The following NEURL1B variants were observed in gnomAD, a reference collection of about 807,000 sequenced individuals.
NEURL1B encodes neuralized E3 ubiquitin protein ligase 1B, also known as E3 ubiquitin-protein ligase NEURL1B.
NEURL1B carries 13 observed loss-of-function variants against 37.4 expected under a neutral mutation model. That is an observed-to-expected ratio of 0.35 (90% CI 0.23 to 0.55). The LOEUF is 0.55. Ranked by LOEUF, NEURL1B falls within the 20% of genes least tolerant of loss-of-function variation. NEURL1B has a pLI of 0.89. For missense variants in NEURL1B, 790 were observed against 879.2 expected (o/e 0.90, Z 1.28); for synonymous variants, 432 against 426.6 (o/e 1.01, Z -0.16).
In NEURL1B at chr5:172,683,969, C is replaced by T. The variant is rs1166310374; in HGVS notation, c.1128C>T (p.Pro376=). 1 of 1,320,984 alleles carries T rather than the reference C, an allele frequency of 7.6e-7. No homozygotes were observed. The highest frequency in any genetic ancestry group is 9.7e-7 in the Non-Finnish European group (1 of 1,032,674). The allele number at this position is 1,320,984 out of a possible 1,614,324, so 81.8% of individuals were successfully genotyped here. A position where few individuals can be genotyped will look rare whatever the true frequency, so the allele number is the denominator to read the frequency against. Reference sequence around the variant, plus strand: ...ACTGGGTGGTGGCGCGCGCCGGGCCCGTGCCGAGCGGCGGCGACGCGCTCA... The same window carrying T: ...ACTGGGTGGTGGCGCGCGCCGGGCCTGTGCCGAGCGGCGGCGACGCGCTCA... ...KEYWVVARAG[P]VPSGGDALSF... Residue 376 remains proline, a synonymous_variant, in exon 3 of 5, where the codon CCC becomes CCT. Coordinates refer to ENST00000369800, the MANE Select transcript of NEURL1B (RefSeq NM_001142651.3). The surrounding 1 kb of genome is among the most constrained non-coding windows in gnomAD (Gnocchi z 5.6).
rs1449194438 is a variant in NEURL1B, at chr5:172,684,030, G to A, written c.1189G>A (p.Gly397Ser). 5 of 1,337,644 alleles carry A rather than the reference G, an allele frequency of 3.7e-6. No homozygotes were observed. Among genetic ancestry groups the A allele is most frequent in the East Asian group, 3.3e-5 (1 of 30,068 alleles). 82.9% of individuals were successfully genotyped at this position (1,337,644 alleles called of 1,614,324 possible). The change falls in exon 3 of 5, where the codon GGC (glycine) becomes AGC (serine). Residue 397 changes from glycine to serine, a missense_variant. Physicochemically the swap from Gly to Ser is moderately conservative, Grantham distance 56. Around this residue, in one of 3 missense-constraint regions of NEURL1B, gnomAD observed 460 missense variants for 407.4 expected, o/e 1.13. Coordinates refer to ENST00000369800, the MANE Select transcript of NEURL1B (RefSeq NM_001142651.3). ...TLRPGGDVLLGINGRPRGRLL... is the reference protein window; with the variant it reads ...TLRPGGDVLLSINGRPRGRLL... Reference sequence around the variant, plus strand: ...GCGGCCCGGCGGCGACGTGCTCCTGGGCATCAACGGGCGTCCGCGCGGCCG... The same window carrying A: ...GCGGCCCGGCGGCGACGTGCTCCTGAGCATCAACGGGCGTCCGCGCGGCCG...
intron 3 of NEURL1B, among the ~76,000 whole-genome samples, chr5:172,684,600 A>G (rs556074387): frequency 2.6e-5 from 4 of 151,622 alleles, no homozygotes; most frequent in Admixed American, 1.3e-4. Flanking sequence ...CTGCACATGA[A>G]AGAGGAAATA....
intron 2 of NEURL1B, among the ~76,000 whole-genome samples, chr5:172,671,205 T>A (rs1758124452): frequency 1.3e-5 from 2 of 152,136 alleles, no homozygotes; most frequent in Non-Finnish European, 2.9e-5. Context: ...CTCCCCTCGC[T>A]CCAGCCCCGG....
At chr5:172,652,184 G>C (rs769423286) in intron 1 of NEURL1B, among the ~76,000 whole-genome samples, 1 of 152,230 alleles carries the variant, frequency 6.6e-6, no homozygotes, top group Non-Finnish European at 1.5e-5. Flanking sequence ...GGCCCTCGGG[G>C]GCTGACCCGC....
Position 172,649,970 on chromosome 5 carries a change from G to C in NEURL1B, c.31+8533G>C, listed in dbSNP as rs544814319. Among the ~76,000 whole-genome samples, 11 of 152,332 alleles carry C rather than the reference G, an allele frequency of 7.2e-5. No homozygotes were observed. The East Asian group carries it at 1.7e-3, about 24-fold the overall frequency. On this transcript the variant is annotated intron_variant, in intron 1 of 4. Transcript: ENST00000369800. ...CCGCTAGCCTCACTTCTAGGCAAGG[G>C]GGGGAAAGTTCTTTAATGACTAAGC...
chr5:172,665,590 T>G lies in NEURL1B; in HGVS notation c.32-4195T>G, dbSNP rs934641908. 6.6e-6 allele frequency among the ~76,000 whole-genome samples: 1 copy of G among 152,224 alleles called. No individual in the cohort carries two copies. Among genetic ancestry groups the G allele is most frequent in the Non-Finnish European group, 1.5e-5 (1 of 68,034 alleles). The stretch of plus-strand genomic sequence containing the variant: ...GGCTGGCATTCAGGGCCTTCCCACC[T>G]GGTTCCTGCGGTGTCTGCAGCACCC... On this transcript the variant is annotated intron_variant, in intron 1 of 4. Coordinates refer to ENST00000369800, the MANE Select transcript of NEURL1B (RefSeq NM_001142651.3). This position sits in a 1 kb window ranked among gnomAD's most constrained non-coding sequence, Gnocchi z 4.1.
In NEURL1B at chr5:172,680,795, TATATC is replaced by T. The variant is rs1321320586; in HGVS notation, c.578-2620_578-2616del. On this transcript the variant is annotated intron_variant, in intron 2 of 4. Coordinates refer to ENST00000369800, the MANE Select transcript of NEURL1B (RefSeq NM_001142651.3). ...TTTGAATGTTTTGTTCATTTGATGT[TATATC>T]ATAGGTATTTTCCCATATTATTAAA... is the stretch of plus-strand genomic sequence containing the variant. Among the ~76,000 whole-genome samples the T allele has an allele frequency of 3.9e-5, 6 of 152,354 alleles. No individual in the cohort carries two copies. The East Asian group carries it at 1.2e-3, about 29-fold the overall frequency.
At chr5:172,659,141 G>A (rs771205056) in intron 1 of NEURL1B, among the ~76,000 whole-genome samples, 23 of 149,226 alleles carry the variant, frequency 1.5e-4, no homozygotes, top group Non-Finnish European at 2.4e-4. Flanking sequence ...CTTTTTTCTT[G>A]TAGGTCAGGA....
At chr5:172,680,527 C>A (rs577173030) in intron 2 of NEURL1B, among the ~76,000 whole-genome samples, 6 of 152,206 alleles carry the variant, frequency 3.9e-5, no homozygotes, top group African/African-American at 1.4e-4. Flanking sequence ...TCCAGAAACA[C>A]GTACTTGTCT....
At chr5:172,664,461 G>A (rs1757970447) in intron 1 of NEURL1B, among the ~76,000 whole-genome samples, 1 of 152,030 alleles carries the variant, frequency 6.6e-6, no homozygotes. Context: ...GCAGAGACAG[G>A]GAGCAAAAGT....
chr5:172,642,868 G>A (rs564620672), intron 1 of NEURL1B, among the ~76,000 whole-genome samples: 5 of 152,352 alleles, frequency 3.3e-5, no homozygotes, highest in Non-Finnish European at 7.4e-5. Flanking sequence ...ACCCACCCGC[G>A]GGTCAGGAGA....
At chr5:172,651,031 G>T (rs1757653413) in intron 1 of NEURL1B, among the ~76,000 whole-genome samples, 1 of 152,208 alleles carries the variant, frequency 6.6e-6, no homozygotes, top group Non-Finnish European at 1.5e-5. Flanking sequence ...ATCGGAATGA[G>T]TCAGGGTGGA....
intron 1 of NEURL1B, chr5:172,656,475 A>G: frequency 1.3e-6 from 2 of 1,533,920 alleles, no homozygotes; most frequent in Non-Finnish European, 1.8e-6. Flanking sequence ...GTTTAAATAC[A>G]GATGAAATAA....
intron 1 of NEURL1B, among the ~76,000 whole-genome samples, chr5:172,652,208 TG>T (rs764947558): frequency 1.3e-4 from 20 of 152,300 alleles, no homozygotes; most frequent in Admixed American, 2.6e-4. Context: ...GTGCTGGACT[TG>T]GGGATATAGC....
In NEURL1B at chr5:172,686,654, C is replaced by T. The variant is rs1758503395; in HGVS notation, c.1424-27C>T. On this transcript the variant is annotated intron_variant, in intron 4 of 4. Coordinates refer to ENST00000369800, the MANE Select transcript of NEURL1B (RefSeq NM_001142651.3). This position sits in a 1 kb window ranked among gnomAD's most constrained non-coding sequence, Gnocchi z 7.9. Reference sequence around the variant, plus strand: ...GCCCACCTGAGAGAGACATTGTTAACATATGTCCTCTTCTCCCTTTCGGCA... The same window carrying T: ...GCCCACCTGAGAGAGACATTGTTAATATATGTCCTCTTCTCCCTTTCGGCA... The T allele has an allele frequency of 1.3e-6, 2 of 1,543,572 alleles. No individual in the cohort carries two copies. The highest frequency in any genetic ancestry group is 1.8e-6 in the Non-Finnish European group (2 of 1,141,172).
At position 172,668,427 on chromosome 5, in the gene NEURL1B, C is replaced by G. The variant is rs553564068; in HGVS notation, c.32-1358C>G. 4.6e-5 allele frequency among the ~76,000 whole-genome samples: 7 copies of G among 152,202 alleles called. 1 individual carries two copies. The highest frequency in any genetic ancestry group is 2.1e-4 in the South Asian group (1 of 4,826). On this transcript the variant is annotated intron_variant, in intron 1 of 4. Coordinates refer to ENST00000369800, the MANE Select transcript of NEURL1B (RefSeq NM_001142651.3). ...GCTTCCAGGCGTGATTTCCTCCCCC[C>G]GTGACTGGGCCTTCCTTCTCCCAGG...
intron 1 of NEURL1B, among the ~76,000 whole-genome samples, chr5:172,642,899 T>A (rs1039642208): frequency 6.6e-6 from 1 of 152,116 alleles, no homozygotes; most frequent in Non-Finnish European, 1.5e-5. Context: ...TGTTGGCAAA[T>A]AGGGCAGCAG....
chr5:172,642,496 G>A (rs1049089152), intron 1 of NEURL1B, among the ~76,000 whole-genome samples: 2 of 152,236 alleles, frequency 1.3e-5, no homozygotes, highest in African/African-American at 4.8e-5. Flanking sequence ...CAAGTCAGCT[G>A]TGAGGTTAAT....
rs1180883406 is a variant in NEURL1B, at chr5:172,683,274, A to G, written c.578-145A>G. The G allele has an allele frequency of 1.7e-5, 15 of 877,580 alleles. No homozygotes were observed. In the South Asian group the frequency reaches 2.0e-4, roughly 11 times the overall value. 54.4% of individuals were successfully genotyped at this position (877,580 alleles called of 1,614,324 possible). On this transcript the variant is annotated intron_variant, in intron 2 of 4. Coordinates refer to ENST00000369800, the MANE Select transcript of NEURL1B (RefSeq NM_001142651.3). The surrounding 1 kb of genome is among the most constrained non-coding windows in gnomAD (Gnocchi z 5.6). The stretch of plus-strand genomic sequence containing the variant: ...CTAAATAACACAGATGGACAAAAGG[A>G]GAGTTCGAAGCCGGGGTGGGGTGGG...
Sources: allele counts gnomAD v4.1 joint callset (sites outside exome capture counted in the v4.1 genomes callset), GRCh38; gene constraint gnomAD v4.1.1; regional missense constraint gnomAD v4.1.1; non-coding constraint Gnocchi (gnomAD v3.1); transcripts MANE v1.5; gene names NCBI Gene and HGNC (gene_info 2026-07-23, HGNC 2026-07-21).